UNC45B: variants seen among roughly 807,000 people sequenced by gnomAD.
The protein encoded by UNC45B is protein unc-45 homolog B.
UNC45B carries 78 observed loss-of-function variants against 98.7 expected under a neutral mutation model. The ratio of observed to expected loss-of-function variants is 0.79; its 90% CI spans 0.66 to 0.95. The LOEUF (loss-of-function observed/expected upper bound fraction) is 0.95, where lower values mean the gene tolerates loss of function less well. Ranked by LOEUF, UNC45B falls within the 40% of genes least tolerant of loss-of-function variation. The pLI is 0.00. For synonymous variants in UNC45B, 462 were observed against 480.4 expected, an observed-to-expected ratio of 0.96 and a Z score of 0.50; for missense variants, 1,225 against 1,184.9, an observed-to-expected ratio of 1.03 and a Z score of -0.50.
intron 10 of UNC45B, among the ~76,000 whole-genome samples, chr17:35,168,962 C>T (rs1196337442): frequency 6.6e-6 from 1 of 151,992 alleles, no homozygotes; most frequent in Non-Finnish European, 1.5e-5. Context: ...CCCCCTGGGC[C>T]TCCCAAAGTG....
At chr17:35,174,512 G>T in intron 14 of UNC45B, 143 bp downstream of exon 14, 1 of 1,262,154 alleles carries the variant, frequency 7.9e-7, no homozygotes, top group Non-Finnish European at 1.1e-6. Context: ...AAGGTCTGAG[G>T]GGATCAGCTT....
chr17:35,156,603 G>C (rs2092063784), intron 7 of UNC45B, among the ~76,000 whole-genome samples: 1 of 151,950 alleles, frequency 6.6e-6, no homozygotes, highest in African/African-American at 2.4e-5. Context: ...TCCAACCCGG[G>C]TGACAGAGTG....
rs752208888 is a variant in UNC45B at position 35,186,398 on chromosome 17, G to A, written c.2629G>A (p.Asp877Asn). The change falls in exon 20 of 20, where the codon GAT becomes AAT. Residue 877 changes from aspartate to asparagine, a missense_variant. By Grantham distance (23) the Asp-to-Asn change is conservative. Transcript: ENST00000394570. Reference sequence around the variant, plus strand: ...CATTGCCTACAACCTACTGGCAGCCGATGCTGAGCTGGCCAAGAAGCTGGT... The same window carrying A: ...CATTGCCTACAACCTACTGGCAGCCAATGCTGAGCTGGCCAAGAAGCTGGT... The part of the protein sequence containing the change: ...LVIAYNLLAA[D>N]AELAKKLVES... 4.6e-5 allele frequency: 74 copies of A among 1,614,086 alleles called. No homozygotes were observed. In the Middle Eastern group the frequency reaches 9.9e-4, roughly 22 times the overall value.
At position 35,169,878 on chromosome 17, in the gene UNC45B, T is replaced by C; in HGVS notation, c.1494T>C (p.Gly498=). The change falls in exon 11 of 20, where the codon GGT becomes GGC. Residue 498 remains glycine (G), a synonymous_variant. Coordinates refer to ENST00000394570, the MANE Select transcript of UNC45B (RefSeq NM_001267052.2). ...GCTCTGCAGGTGGCACAGACTACGG[T>C]CTCAGGCAGTTTGCGGAAGGGTCGA... ...KLGSAGGTDY[G]LRQFAEGSTE... is the part of the protein sequence containing the mutation. 6.2e-7 allele frequency: 1 copy of C among 1,614,122 alleles called. No homozygotes were observed. The highest frequency in any genetic ancestry group is 1.1e-5 in the South Asian group (1 of 91,080).
At chr17:35,157,237 A>ATATT (rs1178682745) in intron 7 of UNC45B, among the ~76,000 whole-genome samples, 11 of 151,476 alleles carry the variant, frequency 7.3e-5, no homozygotes, top group Admixed American at 3.3e-4. Flanking sequence ...TTATTTATTT[A>ATATT]TATTTATTTA....
chr17:35,170,242 T>C lies in UNC45B; in HGVS notation c.1676T>C (p.Phe559Ser), dbSNP rs1331587081. Residue 559 changes from phenylalanine to serine, a missense_variant, in exon 12 of 20, where the codon TTT becomes TCT. Transcript: ENST00000394570. ...GACGTCCCTGCCCTGCAGGCCATGT[T>C]TGAGCTGGCCAAGGCAGGTGTCGGG... Reference protein sequence around the residue: ...VQDVPALQAMFELAKTSDKTI... With the variant: ...VQDVPALQAMSELAKTSDKTI... 1.2e-6 allele frequency: 2 copies of C among 1,610,146 alleles called. No homozygotes were observed. Among genetic ancestry groups the C allele is most frequent in the South Asian group, 1.1e-5 (1 of 90,852 alleles).
At chr17:35,175,104 G>GAAAGAAAGAGAAAGAAAGAA (rs1567766106) in intron 14 of UNC45B, among the ~76,000 whole-genome samples, 1 of 133,172 alleles carries the variant, frequency 7.5e-6, no homozygotes. Flanking sequence ...AAAGAAAAAA[G>GAAAGAAAGAGAAAGAAAGAA]AAAAGAAAGA....
At chr17:35,177,364 T>A in intron 16 of UNC45B, 131 bp from the exon 17 acceptor site, 2 of 730,616 alleles carry the variant, frequency 2.7e-6, no homozygotes, top group Non-Finnish European at 4.5e-6. Flanking sequence ...CCTGTCAGGA[T>A]CATTGTGAGG....
chr17:35,187,430 G>C lies in UNC45B; in HGVS notation c.*871G>C, dbSNP rs1421213963. On this transcript the variant is annotated 3_prime_UTR_variant, in exon 20 of 20. Transcript: ENST00000394570. ...GAAAGAGAGTCCCCAGCAGCCCCAG[G>C]GTGACATAGTTGTTATAGTTCATTA... 6.6e-6 allele frequency: 1 copy of C among 152,076 alleles called. No homozygotes were observed. Among genetic ancestry groups the C allele is most frequent in the Non-Finnish European group, 1.5e-5 (1 of 68,026 alleles). 9.4% of individuals were successfully genotyped at this position (152,076 alleles called of 1,614,324 possible). A position where few individuals can be genotyped will look rare whatever the true frequency, so the allele number is the denominator to read the frequency against.
chr17:35,188,642 T>TA lies in UNC45B; in HGVS notation c.*2089dup, dbSNP rs939051305. The TA allele has an allele frequency of 2.6e-5, 4 of 152,082 alleles. No individual in the cohort carries two copies. Among genetic ancestry groups the TA allele is most frequent in the Non-Finnish European group, 4.4e-5 (3 of 68,020 alleles). 9.4% of individuals were successfully genotyped at this position (152,082 alleles called of 1,614,324 possible). A position where few individuals can be genotyped will look rare whatever the true frequency, so the allele number is the denominator to read the frequency against. On this transcript the variant is annotated 3_prime_UTR_variant, in exon 20 of 20. Coordinates refer to ENST00000394570, the MANE Select transcript of UNC45B (RefSeq NM_001267052.2). The stretch of plus-strand genomic sequence containing the variant: ...GCACACACCACCACCCCCAGGTAAT[T>TA]AAAAAATTTTTTTTTGTAGAGACAG...
intron 17 of UNC45B, among the ~76,000 whole-genome samples, chr17:35,178,994 C>G (rs779744993): frequency 2.0e-5 from 3 of 152,138 alleles, no homozygotes; most frequent in Non-Finnish European, 4.4e-5. Flanking sequence ...CTGATGATGC[C>G]TCCAGCTTTG....
Position 35,168,236 on chromosome 17 carries a change from G to A in UNC45B, c.1327G>A (p.Glu443Lys), listed in dbSNP as rs1406049788. 5 of 1,589,440 alleles carry A rather than the reference G, an allele frequency of 3.1e-6. No homozygotes were observed. In the Admixed American group the frequency reaches 5.2e-5, roughly 17 times the overall value. Residue 443 changes from glutamate to lysine, a missense_variant, in exon 10 of 20, where the codon GAG (glutamate) becomes AAG (lysine). By Grantham distance (56) the Glu-to-Lys change is moderately conservative. Transcript: ENST00000394570. Reference protein sequence around the residue: ...ERETDQLVAVEALIHASTKLS... With the variant: ...ERETDQLVAVKALIHASTKLS... ...CGAGACGGACCAGCTGGTGGCCGTGGAGGCCCTCATCCATGCCTCCACGAA... is the reference window on the plus strand; with the variant it reads ...CGAGACGGACCAGCTGGTGGCCGTGAAGGCCCTCATCCATGCCTCCACGAA...
Position 35,180,740 on chromosome 17 carries a change from AGGGCCTG to A in UNC45B, c.2373+68_2373+74del, listed in dbSNP as rs2092268344. The A allele has an allele frequency of 6.8e-6, 9 of 1,322,362 alleles. No homozygotes were observed. In the South Asian group the frequency reaches 1.1e-4, roughly 16 times the overall value. The allele number at this position is 1,322,362 out of a possible 1,614,324, so 81.9% of individuals were successfully genotyped here. On this transcript the variant is annotated intron_variant, in intron 18 of 19. Transcript: ENST00000394570. ...AAGGCACGAGAGGCAGGCCAGGGTC[AGGGCCTG>A]GGGTGAGATCGGGAGCTCTTATGAT... is the stretch of plus-strand genomic sequence containing the variant.
intron 17 of UNC45B, 32 bp downstream of exon 17, chr17:35,177,642 G>A: frequency 2.7e-6 from 4 of 1,482,754 alleles, no homozygotes; most frequent in Non-Finnish European, 3.7e-6. Context: ...GGGGTGGAGA[G>A]AGGTGGCTCA....
At chr17:35,186,197 C>T (rs1168131451) in intron 19 of UNC45B, 102 bp from the exon 20 acceptor site, 10 of 1,478,844 alleles carry the variant, frequency 6.8e-6, no homozygotes, top group Non-Finnish European at 8.3e-6. Context: ...CTTAAAGGAC[C>T]CACCTCCTAA....
intron 4 of UNC45B, among the ~76,000 whole-genome samples, chr17:35,152,313 C>T (rs147007098): frequency 6.6e-6 from 1 of 152,126 alleles, no homozygotes; most frequent in Non-Finnish European, 1.5e-5. Context: ...CCCCCCCAAA[C>T]AAAGTAACAG....
At chr17:35,179,229 G>T (rs912093847) in intron 17 of UNC45B, among the ~76,000 whole-genome samples, 2 of 151,996 alleles carry the variant, frequency 1.3e-5, no homozygotes, top group East Asian at 1.9e-4. Flanking sequence ...CTTTTATTTT[G>T]TTGAGCAGTG....
In UNC45B at chr17:35,177,730, A is replaced by T. The variant is rs911800316; in HGVS notation, c.2255+120A>T. On this transcript the variant is annotated intron_variant, in intron 17 of 19. Coordinates refer to ENST00000394570, the MANE Select transcript of UNC45B (RefSeq NM_001267052.2). ...AGACAACACAAAGGCAAGGGGTGGG[A>T]TTTGAGTTAGCACAAATCCACAAAC... The T allele has an allele frequency of 3.7e-5, 28 of 754,856 alleles. No homozygotes were observed. The African/African-American group carries it at 4.7e-4, about 13-fold the overall frequency. 46.8% of individuals were successfully genotyped at this position (754,856 alleles called of 1,614,324 possible).
At chr17:35,155,520 GCTACC>G in intron 7 of UNC45B, 56 bp downstream of exon 7, 1 of 1,571,032 alleles carries the variant, frequency 6.4e-7, no homozygotes, top group Non-Finnish European at 8.7e-7. Flanking sequence ...AAGGTCAGTT[GCTACC>G]TCAGACTGGG....
Sources: allele counts gnomAD v4.1 joint callset (sites outside exome capture counted in the v4.1 genomes callset), GRCh38; gene constraint gnomAD v4.1.1; transcripts MANE v1.5; gene names NCBI Gene and HGNC (gene_info 2026-07-23, HGNC 2026-07-21).